Variants in TRHDE observed in about 807,000 individuals in gnomAD.
The protein encoded by TRHDE is thyrotropin-releasing hormone-degrading ectoenzyme.
TRHDE carries 72 observed loss-of-function variants against 125.7 expected under a neutral mutation model. The ratio of observed to expected loss-of-function variants is 0.57; its 90% CI spans 0.47 to 0.70. The LOEUF is 0.70. TRHDE is among the 30% of genes least tolerant of loss of function. The pLI, the probability that TRHDE is intolerant of heterozygous loss-of-function variation, is 0.00. For synonymous variants in TRHDE, 509 were observed against 509.1 expected (o/e 1.00, Z 0.00); for missense variants, 1,110 against 1,327.1 (o/e 0.84, Z 2.54).
At position 72,273,747 on chromosome 12, in the gene TRHDE, G is replaced by T. The variant is rs1879363267; in HGVS notation, c.914+190G>T. Reference sequence around the variant, plus strand: ...CCAGATGCCTCGGGGTCTCGCTGCCGCCAACTTCGCAAACTGACTCACCGG... The same window carrying T: ...CCAGATGCCTCGGGGTCTCGCTGCCTCCAACTTCGCAAACTGACTCACCGG... On this transcript the variant is annotated intron_variant, in intron 1 of 18. Coordinates refer to ENST00000261180, the MANE Select transcript of TRHDE (RefSeq NM_013381.3). The surrounding 1 kb of genome is among the most constrained non-coding windows in gnomAD (Gnocchi z 5.3). 3.5e-6 allele frequency: 2 copies of T among 565,470 alleles called. No individual in the cohort carries two copies. Among genetic ancestry groups the T allele is most frequent in the South Asian group, 2.6e-5 (1 of 38,880 alleles). The allele number at this position is 565,470 out of a possible 1,614,324, so 35.0% of individuals were successfully genotyped here.
chr12:72,428,394 A>G (rs992430000), intron 3 of TRHDE, among the ~76,000 whole-genome samples: 5 of 152,190 alleles, frequency 3.3e-5, no homozygotes, highest in African/African-American at 7.2e-5. Flanking sequence ...CTATGCCTAT[A>G]TCTGTGGGTG....
In TRHDE at chr12:72,384,050, C is replaced by T. The variant is rs148179902; in HGVS notation, c.1315+5929C>T. 6.8e-4 allele frequency among the ~76,000 whole-genome samples: 103 copies of T among 152,142 alleles called. 1 individual carries two copies. The East Asian group carries it at 0.01, about 15-fold the overall frequency. Reference sequence around the variant, plus strand: ...TGTTATAACTCATAATTTTATTAACCTGAAGACATGTGAGTATTGCAAATG... The same window carrying T: ...TGTTATAACTCATAATTTTATTAACTTGAAGACATGTGAGTATTGCAAATG... On this transcript the variant is annotated intron_variant, in intron 3 of 18. Coordinates refer to ENST00000261180, the MANE Select transcript of TRHDE (RefSeq NM_013381.3).
chr12:72,492,109 A>T (rs1877710872), intron 5 of TRHDE, among the ~76,000 whole-genome samples: 1 of 151,982 alleles, frequency 6.6e-6, no homozygotes. Context: ...GACTGTTTTA[A>T]CAGGCTGCAA....
At chr12:72,545,998 A>G (rs761024408) in intron 7 of TRHDE, among the ~76,000 whole-genome samples, 1 of 151,622 alleles carries the variant, frequency 6.6e-6, no homozygotes, top group Non-Finnish European at 1.5e-5. Flanking sequence ...ATCCTCCTTG[A>G]TGAGTGACGT....
In TRHDE at chr12:72,663,159, G is replaced by C. The variant is rs760559650; in HGVS notation, c.3174G>C (p.Glu1058Asp). The C allele has an allele frequency of 5.6e-6, 9 of 1,612,596 alleles. No individual in the cohort carries two copies. Among genetic ancestry groups the C allele is most frequent in the Non-Finnish European group, 7.6e-6 (9 of 1,179,310 alleles). ...NVRWKMLYQDELFQWLGKALR... is the reference protein window; with the variant it reads ...NVRWKMLYQDDLFQWLGKALR... ...GCTGGAAAATGCTTTACCAAGACGA[G>C]CTTTTCCAATGGTTAGGAAAAGCTC... Residue 1058 changes from glutamate (E) to aspartate (D), a missense_variant, in exon 19 of 19, where the codon GAG becomes GAC. Coordinates refer to ENST00000261180, the MANE Select transcript of TRHDE (RefSeq NM_013381.3).
At position 72,670,349 on chromosome 12, in the gene TRHDE, C is replaced by T. The variant is rs1875218034; in HGVS notation, c.*7154C>T. 1 of 151,616 alleles carries T rather than the reference C, an allele frequency of 6.6e-6. No individual in the cohort carries two copies. Among genetic ancestry groups the T allele is most frequent in the Non-Finnish European group, 1.5e-5 (1 of 67,722 alleles). The allele number at this position is 151,616 out of a possible 1,614,324, so 9.4% of individuals were successfully genotyped here. A position where few individuals can be genotyped will look rare whatever the true frequency, so the allele number is the denominator to read the frequency against. On this transcript the variant is annotated 3_prime_UTR_variant, in exon 19 of 19. Coordinates refer to ENST00000261180, the MANE Select transcript of TRHDE (RefSeq NM_013381.3). Reference sequence around the variant, plus strand: ...ACGTATTCAACATGAAATTTTTAGTCTTTTCTGACCAAGCACTAATAAAAT... The same window carrying T: ...ACGTATTCAACATGAAATTTTTAGTTTTTTCTGACCAAGCACTAATAAAAT...
intron 7 of TRHDE, among the ~76,000 whole-genome samples, chr12:72,545,232 G>A (rs1321347822): frequency 6.6e-6 from 1 of 151,270 alleles, no homozygotes; most frequent in Admixed American, 6.6e-5. Flanking sequence ...AATTCTACAT[G>A]TCTACTGTTC....
intron 3 of TRHDE, among the ~76,000 whole-genome samples, chr12:72,449,174 A>G (rs1264123395): frequency 6.6e-6 from 1 of 152,066 alleles, no homozygotes; most frequent in Non-Finnish European, 1.5e-5. Flanking sequence ...ACCATACTAA[A>G]GAATGCAGGC....
At chr12:72,181,522 ATATT>A (rs1050205727) in intron 2 of TRHDE, among the ~76,000 whole-genome samples, 6 of 152,222 alleles carry the variant, frequency 3.9e-5, no homozygotes, top group Non-Finnish European at 7.3e-5. Context: ...TTTAAATTAA[ATATT>A]TAATGTGTAT....
chr12:72,640,076 G>A (rs532898597), intron 15 of TRHDE, among the ~76,000 whole-genome samples: 2 of 152,190 alleles, frequency 1.3e-5, no homozygotes, highest in African/African-American at 2.4e-5. Context: ...AGCAAGCCTG[G>A]GCAATGGTGG....
At chr12:72,279,186 G>A (rs1879602881) in intron 1 of TRHDE, among the ~76,000 whole-genome samples, 1 of 152,188 alleles carries the variant, frequency 6.6e-6, no homozygotes, top group Admixed American at 6.5e-5. Flanking sequence ...CATGTTTTAG[G>A]TGTGCTTGAG....
rs570791508 is a variant in TRHDE at position 72,273,539 on chromosome 12, T to A, written c.896T>A (p.Val299Glu). Reference sequence around the variant, plus strand: ...CTGGGCTTCTTCCGCAGCTCCTATGTGCTCCACGGGGAGAGAAGGTATGGA... The same window carrying A: ...CTGGGCTTCTTCCGCAGCTCCTATGAGCTCCACGGGGAGAGAAGGTATGGA... ...ELLGFFRSSY[V>E]LHGERRFLGV... is the part of the protein sequence containing the mutation. The change falls in exon 1 of 19, where the codon GTG becomes GAG. Residue 299 changes from valine (V) to glutamate (E), a missense_variant. Physicochemically the swap from Val to Glu is moderately radical, Grantham distance 121 (BLOSUM62 -2). This residue lies in a region of TRHDE where 252 missense variants were observed against 274.8 expected (regional missense o/e 0.92). Transcript: ENST00000261180. This position sits in a 1 kb window ranked among gnomAD's most constrained non-coding sequence, Gnocchi z 5.3. The A allele has an allele frequency of 1.2e-6, 2 of 1,600,590 alleles. No homozygotes were observed. Among genetic ancestry groups the A allele is most frequent in the Non-Finnish European group, 1.7e-6 (2 of 1,177,952 alleles).
At chr12:72,283,482 A>G (rs1879768441) in intron 1 of TRHDE, among the ~76,000 whole-genome samples, 1 of 152,172 alleles carries the variant, frequency 6.6e-6, no homozygotes, top group Admixed American at 6.5e-5. Context: ...AGACATTATC[A>G]GAATATATGG....
chr12:72,464,449 G>T (rs548253077), intron 3 of TRHDE, among the ~76,000 whole-genome samples: 3 of 152,210 alleles, frequency 2.0e-5, no homozygotes, highest in African/African-American at 7.2e-5. Context: ...CTCCGGAGGG[G>T]ATGAATGTTG....
chr12:72,627,560 G>T (rs1387977), intron 15 of TRHDE, among the ~76,000 whole-genome samples: 24,749 of 151,686 alleles, frequency 0.16, 3,875 homozygotes, highest in African/African-American at 0.41. Context: ...TTCCTTCATA[G>T]TTCTTTAAGG....
intron 2 of TRHDE, among the ~76,000 whole-genome samples, chr12:72,146,747 C>G (rs1040070124): frequency 2.6e-5 from 4 of 152,224 alleles, no homozygotes; most frequent in African/African-American, 9.6e-5. Context: ...CAGTGTTAAT[C>G]AGCTCAATGA....
chr12:72,127,237 T>C (rs1362529037), intron 2 of TRHDE, among the ~76,000 whole-genome samples: 3 of 152,206 alleles, frequency 2.0e-5, no homozygotes, highest in Non-Finnish European at 4.4e-5. Flanking sequence ...TTATACACTG[T>C]TGGTGGGAAT....
chr12:72,159,540 A>G (rs572193040), intron 2 of TRHDE, among the ~76,000 whole-genome samples: 2 of 152,328 alleles, frequency 1.3e-5, no homozygotes, highest in African/African-American at 4.8e-5. Flanking sequence ...CATTTCTTCA[A>G]GATGATATAT....
At chr12:72,594,724 G>T (rs1010267707) in intron 12 of TRHDE, among the ~76,000 whole-genome samples, 2 of 151,896 alleles carry the variant, frequency 1.3e-5, no homozygotes, top group African/African-American at 4.8e-5. Flanking sequence ...CAGGGATCTA[G>T]AACTAGAAAT....
Sources: gnomAD v4.1 joint callset for allele counts (sites outside exome capture counted in the v4.1 genomes callset) on GRCh38, gnomAD v4.1.1 for gene constraint, gnomAD v4.1.1 regional missense constraint, Gnocchi (gnomAD v3.1) non-coding constraint, MANE v1.5 for transcripts, NCBI Gene and HGNC (gene_info 2026-07-23, HGNC 2026-07-21) for gene names.